Variants in REXO5 observed in about 807,000 individuals in gnomAD.
REXO5 encodes RNA exonuclease 5, also known as exonuclease NEF-sp.
REXO5 carries 48 observed loss-of-function variants against 88.5 expected under a neutral mutation model. That is an observed-to-expected ratio of 0.54 (90% CI 0.43 to 0.69). The LOEUF is 0.69. Ranked by LOEUF, REXO5 falls within the 30% of genes least tolerant of loss-of-function variation. REXO5 has a pLI of 0.00. For missense variants in REXO5, 749 were observed against 912.2 expected, an observed-to-expected ratio of 0.82 and a Z score of 2.30; for synonymous variants, 311 against 336.5, an observed-to-expected ratio of 0.92 and a Z score of 0.83.
At chr16:20,838,996 A>G (rs113397478) in intron 13 of REXO5, among the ~76,000 whole-genome samples, 2,996 of 152,214 alleles carry the variant, frequency 0.02, 52 homozygotes, top group Non-Finnish European at 0.03. Flanking sequence ...TGGAATCTCT[A>G]CAGTTCTCTC....
Position 20,807,093 on chromosome 16 carries a change from T to TGAGA in REXO5, c.138+5_138+6insAGAG, listed in dbSNP as rs767801397. Reference sequence around the variant, plus strand: ...GAGGAGAGTCAGCCCGAGGCCAAGGTGAGCAACGGGGATCCCGAGCAGGCG... The same window carrying TGAGA: ...GAGGAGAGTCAGCCCGAGGCCAAGGTGAGAGAGCAACGGGGATCCCGAGCAGGCG... On this transcript the variant is annotated splice_region_variant and intron_variant, in intron 2 of 19. Transcript: ENST00000261377. The TGAGA allele has an allele frequency of 6.2e-7, 1 of 1,600,928 alleles. No homozygotes were observed. Among genetic ancestry groups the TGAGA allele is most frequent in the Non-Finnish European group, 8.5e-7 (1 of 1,174,792 alleles).
At chr16:20,845,753 T>C (rs1351183708) in intron 18 of REXO5, among the ~76,000 whole-genome samples, 1 of 151,958 alleles carries the variant, frequency 6.6e-6, no homozygotes, top group African/African-American at 2.4e-5. Flanking sequence ...TAACTCACTT[T>C]ATGGAAAAAT....
At chr16:20,816,315 C>T in intron 5 of REXO5, 103 bp downstream of exon 5, 1 of 949,366 alleles carries the variant, frequency 1.1e-6, no homozygotes, top group Non-Finnish European at 1.5e-6. Flanking sequence ...CTAGCTTAAG[C>T]ACAAAAACAA....
In REXO5 at chr16:20,839,849, T is replaced by C. The variant is rs1192971691; in HGVS notation, c.1478T>C (p.Met493Thr). 2.5e-6 allele frequency: 4 copies of C among 1,603,712 alleles called. No homozygotes were observed. The African/African-American group carries it at 5.4e-5, about 21-fold the overall frequency. Reference sequence around the variant, plus strand: ...TTTTCACCTGTCCTCACTGAGGAGATGAACAAAAGGGTAAGTGAATGGGTT... The same window carrying C: ...TTTTCACCTGTCCTCACTGAGGAGACGAACAAAAGGGTAAGTGAATGGGTT... ...KAFSPVLTEE[M>T]NKRMRIKWTE... is the part of the protein sequence containing the mutation. The change falls in exon 14 of 20, where the codon ATG becomes ACG. Residue 493 changes from methionine to threonine, a missense_variant. Met to Thr is a moderately conservative substitution (Grantham distance 81, BLOSUM62 -1). Coordinates refer to ENST00000261377, the MANE Select transcript of REXO5 (RefSeq NM_030941.3).
intron 15 of REXO5, among the ~76,000 whole-genome samples, chr16:20,840,833 A>C (rs1204510967): frequency 6.6e-6 from 1 of 152,088 alleles, no homozygotes; most frequent in Non-Finnish European, 1.5e-5. Flanking sequence ...AAGAATTAAG[A>C]AATCTGTCAG....
chr16:20,822,283 C>T (rs961237509), intron 6 of REXO5, among the ~76,000 whole-genome samples: 1 of 152,162 alleles, frequency 6.6e-6, no homozygotes, highest in Non-Finnish European at 1.5e-5. Flanking sequence ...ACACTGCCCC[C>T]ATATTTCTTT....
chr16:20,822,026 C>A, intron 6 of REXO5, 124 bp downstream of exon 6: 1 of 955,348 alleles, frequency 1.0e-6, no homozygotes, highest in Non-Finnish European at 1.5e-6. Context: ...ATTTCATCTT[C>A]TATTAATGAG....
In REXO5 at chr16:20,846,300, C is replaced by G; in HGVS notation, c.2204C>G (p.Pro735Arg). The G allele has an allele frequency of 6.2e-7, 1 of 1,613,990 alleles. No homozygotes were observed. The highest frequency in any genetic ancestry group is 8.5e-7 in the Non-Finnish European group (1 of 1,179,908). ...KIGKLYNSLCPGTLCLILLPG... is the reference protein window; with the variant it reads ...KIGKLYNSLCRGTLCLILLPG... ...GGAAAGCTCTACAACAGCTTGTGCC[C>G]GGGCACTCTCTGCCTCATCCTGCTG... The change falls in exon 19 of 20, where the codon CCG (proline) becomes CGG (arginine). Residue 735 changes from proline to arginine, a missense_variant. Transcript: ENST00000261377.
intron 3 of REXO5, 107 bp from the exon 4 acceptor site, chr16:20,814,820 C>G: frequency 1.8e-6 from 2 of 1,108,504 alleles, no homozygotes; most frequent in Admixed American, 2.7e-5. Context: ...ATTCTATTAA[C>G]TCTCACTCAC....
chr16:20,816,651 G>GT (rs1192661101), intron 5 of REXO5, among the ~76,000 whole-genome samples: 1 of 152,094 alleles, frequency 6.6e-6, no homozygotes, highest in African/African-American at 2.4e-5. Context: ...CACAAAAACA[G>GT]TTTTTTTAAG....
Position 20,845,214 on chromosome 16 carries a change from TC to T in REXO5, c.2103del (p.Phe702LeufsTer9). On this transcript the variant is annotated frameshift_variant, in exon 18 of 20. Transcript: ENST00000261377. LOFTEE classifies it high-confidence loss of function. ...TRLPGLRVVP[P>X]PFEQEALQTL... Reference sequence around the variant, plus strand: ...GGCTCCCAGGGCTTCGTGTTGTACCTCCCCCCTTTGAACAGGAGGCCTTGCA... The same window carrying T: ...GGCTCCCAGGGCTTCGTGTTGTACCTCCCCCTTTGAACAGGAGGCCTTGCA... 1 of 1,612,598 alleles carries T rather than the reference TC, an allele frequency of 6.2e-7. No individual in the cohort carries two copies. Among genetic ancestry groups the T allele is most frequent in the Non-Finnish European group, 8.5e-7 (1 of 1,179,540 alleles).
Position 20,846,340 on chromosome 16 carries a change from G to A in REXO5, c.2243+1G>A. 2.5e-6 allele frequency: 4 copies of A among 1,608,788 alleles called. No individual in the cohort carries two copies. Among genetic ancestry groups the A allele is most frequent in the Non-Finnish European group, 3.4e-6 (4 of 1,175,248 alleles). On this transcript the variant is annotated splice_donor_variant, in intron 19 of 19. Coordinates refer to ENST00000261377, the MANE Select transcript of REXO5 (RefSeq NM_030941.3). LOFTEE classifies it high-confidence loss of function. ...TCATCCTGCTGCCAGGAACCAAGAG[G>A]TAAGGACTAGAAAGGGTATCCCTTC...
intron 13 of REXO5, among the ~76,000 whole-genome samples, chr16:20,835,420 A>G (rs1388357704): frequency 6.6e-6 from 1 of 152,182 alleles, no homozygotes; most frequent in Non-Finnish European, 1.5e-5. Context: ...AGCTTTTGGG[A>G]ATCTAAACCA....
chr16:20,847,547 T>A (rs1345196460), intron 19 of REXO5, among the ~76,000 whole-genome samples: 3 of 152,060 alleles, frequency 2.0e-5, no homozygotes, highest in Non-Finnish European at 4.4e-5. Context: ...AAAGTTCTTA[T>A]AACATGCATC....
intron 5 of REXO5, among the ~76,000 whole-genome samples, chr16:20,818,904 A>G (rs567283926): frequency 2.6e-5 from 4 of 152,326 alleles, no homozygotes; most frequent in East Asian, 3.9e-4. Flanking sequence ...CTCAGCCTCC[A>G]TTAACTATTC....
intron 19 of REXO5, among the ~76,000 whole-genome samples, chr16:20,848,372 G>A (rs529828556): frequency 1.3e-5 from 2 of 152,308 alleles, no homozygotes; most frequent in East Asian, 3.9e-4. Flanking sequence ...ATTAAACCCA[G>A]GTACTGTGCT....
chr16:20,811,179 C>T (rs989636149), intron 2 of REXO5, among the ~76,000 whole-genome samples: 1 of 152,166 alleles, frequency 6.6e-6, no homozygotes, highest in Non-Finnish European at 1.5e-5. Flanking sequence ...CCTCACCCAA[C>T]TCAGGCTCTT....
chr16:20,844,936 C>A, intron 17 of REXO5, 91 bp downstream of exon 17: 1 of 1,535,278 alleles, frequency 6.5e-7, no homozygotes. Context: ...ACCTCCTGGG[C>A]TGGACCAGGG....
intron 3 of REXO5, among the ~76,000 whole-genome samples, chr16:20,814,168 A>G (rs1309879456): frequency 2.0e-5 from 3 of 151,662 alleles, no homozygotes; most frequent in South Asian, 2.1e-4. Context: ...GCAGCCATAC[A>G]TAACACATAG....
Sources: allele counts gnomAD v4.1 joint callset (sites outside exome capture counted in the v4.1 genomes callset), GRCh38; gene constraint gnomAD v4.1.1; transcripts MANE v1.5; gene names NCBI Gene and HGNC (gene_info 2026-07-23, HGNC 2026-07-21).